Variants in SPDEF observed in about 807,000 individuals in gnomAD.
SPDEF encodes SAM pointed domain-containing Ets transcription factor.
A neutral mutation model predicts 36.0 loss-of-function variants in SPDEF; 12 were observed. The observed-to-expected ratio is 0.33, with a 90% CI of 0.21 to 0.54. The LOEUF (loss-of-function observed/expected upper bound fraction) is 0.54, where lower values mean the gene tolerates loss of function less well. SPDEF is among the 20% of genes least tolerant of loss of function. The pLI is 0.93. For missense variants in SPDEF, 388 were observed against 456.9 expected, an observed-to-expected ratio of 0.85 and a Z score of 1.37; for synonymous variants, 205 against 193.0, an observed-to-expected ratio of 1.06 and a Z score of -0.51.
At chr6:34,543,998 C>G in intron 2 of SPDEF, 22 bp downstream of exon 2, 1 of 1,595,748 alleles carries the variant, frequency 6.3e-7, no homozygotes, top group Non-Finnish European at 8.5e-7. Flanking sequence ...CTTACGGAAG[C>G]AGGCACATGG....
In SPDEF at chr6:34,544,095, G is replaced by C; in HGVS notation, c.361C>G (p.Gln121Glu). The C allele has an allele frequency of 1.9e-6, 3 of 1,613,554 alleles. No homozygotes were observed. Among genetic ancestry groups the C allele is most frequent in the Non-Finnish European group, 2.5e-6 (3 of 1,179,854 alleles). The change falls in exon 2 of 6, where the codon CAG (glutamine) becomes GAG (glutamate). Residue 121 changes from glutamine to glutamate, a missense_variant. Coordinates refer to ENST00000374037, the MANE Select transcript of SPDEF (RefSeq NM_012391.3). This position sits in a 1 kb window ranked among gnomAD's most constrained non-coding sequence, Gnocchi z 4.4. ...GLTLEEHSLE[Q>E]VQSMVVGEVL... ...TCGCCCACCACCATGGACTGCACCTGCTCCAGCGAGTGCTCCTCCAAGGTC... is the reference window on the plus strand; with the variant it reads ...TCGCCCACCACCATGGACTGCACCTCCTCCAGCGAGTGCTCCTCCAAGGTC...
At chr6:34,553,318 A>C (rs1365960792) in intron 1 of SPDEF, among the ~76,000 whole-genome samples, 1 of 152,080 alleles carries the variant, frequency 6.6e-6, no homozygotes, top group South Asian at 2.1e-4. Flanking sequence ...AATGTCAGGA[A>C]GAGCCCAGGG....
intron 2 of SPDEF, among the ~76,000 whole-genome samples, chr6:34,542,199 C>A (rs772438889): frequency 2.0e-5 from 3 of 152,144 alleles, no homozygotes; most frequent in African/African-American, 7.2e-5. Flanking sequence ...GGGCAGGGGC[C>A]GGGCCTGAGG....
intron 2 of SPDEF, among the ~76,000 whole-genome samples, chr6:34,543,052 T>C (rs139892198): frequency 0.056 from 8,358 of 148,366 alleles, 568 homozygotes; most frequent in African/African-American, 0.16. Flanking sequence ...ATTAGCCGGG[T>C]GTGGTGGCGG....
chr6:34,540,636 CAAAG>C (rs1454427106), intron 3 of SPDEF, among the ~76,000 whole-genome samples: 1 of 151,664 alleles, frequency 6.6e-6, no homozygotes, highest in African/African-American at 2.4e-5. Flanking sequence ...TAAAAAAAAA[CAAAG>C]AAAACAAAGA....
rs765040170 is a variant in SPDEF, at chr6:34,540,970, A to C, written c.634+14T>G. 3 of 1,606,394 alleles carry C rather than the reference A, an allele frequency of 1.9e-6. No homozygotes were observed. Among genetic ancestry groups the C allele is most frequent in the Non-Finnish European group, 2.5e-6 (3 of 1,176,604 alleles). On this transcript the variant is annotated intron_variant, in intron 3 of 5. Transcript: ENST00000374037. ...AGCCTGGGAGGGGCTGCTCCCAGCCATGCCACATCCTACCTGACTTCCAGA... is the reference window on the plus strand; with the variant it reads ...AGCCTGGGAGGGGCTGCTCCCAGCCCTGCCACATCCTACCTGACTTCCAGA...
chr6:34,547,068 C>T (rs1475309856), intron 1 of SPDEF, among the ~76,000 whole-genome samples: 3 of 151,404 alleles, frequency 2.0e-5, no homozygotes, highest in Non-Finnish European at 4.4e-5. Flanking sequence ...CCCAGAGCCC[C>T]CATGCCTGCC....
chr6:34,540,914 C>A lies in SPDEF; in HGVS notation c.634+70G>T. On this transcript the variant is annotated intron_variant, in intron 3 of 5. Transcript: ENST00000374037. Reference sequence around the variant, plus strand: ...GGGCTGCTGCCCTAGCAGAGGGCAACCTCCTAGCCAGCATCCTGTCCCTGG... The same window carrying A: ...GGGCTGCTGCCCTAGCAGAGGGCAAACTCCTAGCCAGCATCCTGTCCCTGG... The A allele has an allele frequency of 2.0e-6, 3 of 1,472,528 alleles. No homozygotes were observed. In the Admixed American group the frequency reaches 5.6e-5, roughly 28 times the overall value. The allele number at this position is 1,472,528 out of a possible 1,614,324, so 91.2% of individuals were successfully genotyped here.
rs76762871 is a variant in SPDEF at position 34,544,054 on chromosome 6, G to A, written c.402C>T (p.Ile134=). The part of the protein sequence containing the change: ...SMVVGEVLKD[I]ETACKLLNIT... ...TGTTGAGCAGCTTGCAGGCCGTCTC[G>A]ATGTCCTTGAGCACTTCGCCCACCA... The change falls in exon 2 of 6, where the codon ATC becomes ATT. Residue 134 remains isoleucine (I), a synonymous_variant. Coordinates refer to ENST00000374037, the MANE Select transcript of SPDEF (RefSeq NM_012391.3). The surrounding 1 kb of genome is among the most constrained non-coding windows in gnomAD (Gnocchi z 4.4). 6.4e-4 allele frequency: 1,037 copies of A among 1,612,138 alleles called. 2 individuals carry two copies. In the African/African-American group the frequency reaches 0.012, roughly 19 times the overall value.
In SPDEF at chr6:34,539,636, G is replaced by C; in HGVS notation, c.635-74C>G. ...TGGAGGAGGGGAGGCGTTTGGGTGG[G>C]ACTGTGGGGCCACAGGAGCCCCTCT... On this transcript the variant is annotated intron_variant, in intron 3 of 5. Coordinates refer to ENST00000374037, the MANE Select transcript of SPDEF (RefSeq NM_012391.3). This position sits in a 1 kb window ranked among gnomAD's most constrained non-coding sequence, Gnocchi z 5.2. The C allele has an allele frequency of 6.7e-7, 1 of 1,501,766 alleles. No individual in the cohort carries two copies. Among genetic ancestry groups the C allele is most frequent in the Non-Finnish European group, 9.1e-7 (1 of 1,104,662 alleles). The allele number at this position is 1,501,766 out of a possible 1,614,324, so 93.0% of individuals were successfully genotyped here.
At chr6:34,541,814 G>A (rs1024593314) in intron 2 of SPDEF, among the ~76,000 whole-genome samples, 19 of 152,370 alleles carry the variant, frequency 1.2e-4, no homozygotes, top group Non-Finnish European at 2.4e-4. Flanking sequence ...CAGGAGGGGA[G>A]CCCTTGGCTA....
chr6:34,554,013 G>A (rs567092058), intron 1 of SPDEF, among the ~76,000 whole-genome samples: 3 of 145,518 alleles, frequency 2.1e-5, no homozygotes, highest in South Asian at 2.2e-4. Flanking sequence ...TGTCTCCTCC[G>A]TGAAGCCTGC....
In SPDEF at chr6:34,555,081, ACGCACG is replaced by A. The variant is rs941965028; in HGVS notation, c.-30+842_-30+847del. 2.0e-5 allele frequency among the ~76,000 whole-genome samples: 3 copies of A among 151,322 alleles called. No individual in the cohort carries two copies. The highest frequency in any genetic ancestry group is 4.4e-5 in the Non-Finnish European group (3 of 67,776). ...ACGCACACACACATGCACATGCAAC[ACGCACG>A]CGCACATGCACACACCACACACACA... On this transcript the variant is annotated intron_variant, in intron 1 of 5. Transcript: ENST00000374037. This position sits in a 1 kb window ranked among gnomAD's most constrained non-coding sequence, Gnocchi z 5.2.
intron 2 of SPDEF, among the ~76,000 whole-genome samples, chr6:34,541,655 G>A (rs912519217): frequency 3.0e-4 from 45 of 152,244 alleles, no homozygotes; most frequent in African/African-American, 1.1e-3. Flanking sequence ...GTATCTTACA[G>A]ATGAGGAAAC....
chr6:34,551,887 G>A (rs546780337), intron 1 of SPDEF, among the ~76,000 whole-genome samples: 157 of 152,266 alleles, frequency 1.0e-3, no homozygotes, highest in African/African-American at 3.5e-3. Context: ...CTGACGGGGC[G>A]GGGACAGAAC....
Position 34,542,959 on chromosome 6 carries a change from C to G in SPDEF, c.436+1061G>C, listed in dbSNP as rs565090516. Among the ~76,000 whole-genome samples, 5 of 150,128 alleles carry G rather than the reference C, an allele frequency of 3.3e-5. No homozygotes were observed. The East Asian group carries it at 9.7e-4, about 29-fold the overall frequency. The stretch of plus-strand genomic sequence containing the variant: ...TAGTAATCCCAGCACTTTGGGAGGC[C>G]GAGGCAGGCAGATCACGAGGTCAGG... On this transcript the variant is annotated intron_variant, in intron 2 of 5. Transcript: ENST00000374037.
At position 34,538,366 on chromosome 6, in the gene SPDEF, T is replaced by C; in HGVS notation, c.916A>G (p.Ser306Gly). The C allele has an allele frequency of 6.2e-7, 1 of 1,614,098 alleles. No individual in the cohort carries two copies. The highest frequency in any genetic ancestry group is 8.5e-7 in the Non-Finnish European group (1 of 1,179,962). ...TTGTAATACTGGCGGATGGAGCGGC[T>C]CAGCTTGTCGTAGTTCATGGCGGGA... ...NRPAMNYDKLSRSIRQYYKKG... is the reference protein window; with the variant it reads ...NRPAMNYDKLGRSIRQYYKKG... Residue 306 changes from serine (S) to glycine (G), a missense_variant, in exon 6 of 6, where the codon AGC becomes GGC. Ser to Gly is a moderately conservative substitution (Grantham distance 56). This residue lies in a region of SPDEF where 80 missense variants were observed against 130.8 expected (regional missense o/e 0.61). Coordinates refer to ENST00000374037, the MANE Select transcript of SPDEF (RefSeq NM_012391.3). This position sits in a 1 kb window ranked among gnomAD's most constrained non-coding sequence, Gnocchi z 5.9.
rs532864143 is a variant in SPDEF, at chr6:34,543,993, G to A, written c.436+27C>T. ...CAGCCTTGCCTGTGACCCATCTTAC[G>A]GAAGCAGGCACATGGAGAGGGCTCA... On this transcript the variant is annotated intron_variant, in intron 2 of 5. Coordinates refer to ENST00000374037, the MANE Select transcript of SPDEF (RefSeq NM_012391.3). 1.7e-4 allele frequency: 278 copies of A among 1,593,920 alleles called. 2 individuals carry two copies. The Middle Eastern group carries it at 2.2e-3, about 13-fold the overall frequency.
chr6:34,553,025 C>G (rs901043285), intron 1 of SPDEF, among the ~76,000 whole-genome samples: 3 of 152,120 alleles, frequency 2.0e-5, no homozygotes, highest in Non-Finnish European at 4.4e-5. Flanking sequence ...CCTCCAGCCA[C>G]GTCTCCCCTG....
Sources: allele counts gnomAD v4.1 joint callset (sites outside exome capture counted in the v4.1 genomes callset), GRCh38; gene constraint gnomAD v4.1.1; regional missense constraint gnomAD v4.1.1; non-coding constraint Gnocchi (gnomAD v3.1); transcripts MANE v1.5; gene names NCBI Gene and HGNC (gene_info 2026-07-23, HGNC 2026-07-21).